Variants in SHLD1 observed in about 807,000 individuals in gnomAD.
SHLD1 encodes the protein shieldin complex subunit 1.
SHLD1 carries 3 observed loss-of-function variants against 5.5 expected under a neutral mutation model. That is an observed-to-expected ratio of 0.54 (90% CI 0.25 to 1.40). SHLD1 has a LOEUF of 1.40. SHLD1 is among the 40% of genes most tolerant of loss of function. The probability of loss-of-function intolerance (pLI) is 0.15; values close to 1 mark genes in which losing one functional copy is unlikely to be tolerated. For synonymous variants in SHLD1, 92 were observed against 94.3 expected (o/e 0.98, Z 0.14); for missense variants, 210 against 244.4 (o/e 0.86, Z 0.94).
chr20:5,810,301 A>C (rs1189119176), intron 2 of SHLD1, among the ~76,000 whole-genome samples: 2 of 151,952 alleles, frequency 1.3e-5, no homozygotes, highest in Admixed American at 1.3e-4. Flanking sequence ...ACCACCTTAG[A>C]CATCGAGTAA....
At chr20:5,857,014 C>A (rs567082246) in intron 2 of SHLD1, among the ~76,000 whole-genome samples, 1 of 152,312 alleles carries the variant, frequency 6.6e-6, no homozygotes, top group South Asian at 2.1e-4. Flanking sequence ...CAGAGTCTCA[C>A]TCTGTCGCCC....
At chr20:5,859,950 A>G (rs903987777) in intron 2 of SHLD1, among the ~76,000 whole-genome samples, 9 of 152,234 alleles carry the variant, frequency 5.9e-5, no homozygotes, top group Non-Finnish European at 1.3e-4. Context: ...ATATCAAAGC[A>G]CATTGACAAT....
At position 5,844,787 on chromosome 20, in the gene SHLD1, A is replaced by ATTTT. The variant is rs1428765852; in HGVS notation, c.179-18236_179-18235insTTTT. Among the ~76,000 whole-genome samples the ATTTT allele has an allele frequency of 6.8e-5, 7 of 102,260 alleles. No individual in the cohort carries two copies. In the South Asian group the frequency reaches 1.2e-3, roughly 17 times the overall value. 67.1% of individuals were successfully genotyped at this position (102,260 alleles called of 152,430 possible). A position where few individuals can be genotyped will look rare whatever the true frequency, so the allele number is the denominator to read the frequency against. ...GTAGTAGACATATATATATATATAT[A>ATTTT]TATATATATATATTTTTTTTTTTTT... On this transcript the variant is annotated intron_variant, in intron 2 of 2. Transcript: ENST00000303142.
chr20:5,766,323 A>G (rs1338399039), intron 1 of SHLD1, among the ~76,000 whole-genome samples: 4 of 152,222 alleles, frequency 2.6e-5, no homozygotes, highest in Admixed American at 2.6e-4. Context: ...TCCTTTCAAG[A>G]CCAACCAGCT....
At chr20:5,810,636 A>G (rs948122432) in intron 2 of SHLD1, among the ~76,000 whole-genome samples, 7 of 151,774 alleles carry the variant, frequency 4.6e-5, no homozygotes, top group South Asian at 4.2e-4. Context: ...GCTCACGCCT[A>G]TAATCCCAGC....
intron 2 of SHLD1, among the ~76,000 whole-genome samples, chr20:5,803,507 C>G (rs2087328071): frequency 6.6e-6 from 1 of 152,058 alleles, no homozygotes; most frequent in Non-Finnish European, 1.5e-5. Flanking sequence ...AGAATGAAAG[C>G]TCTCCCAAAT....
intron 2 of SHLD1, among the ~76,000 whole-genome samples, chr20:5,829,242 A>G (rs2087701078): frequency 6.6e-6 from 1 of 152,206 alleles, no homozygotes; most frequent in African/African-American, 2.4e-5. Flanking sequence ...GTTTAATAAC[A>G]TGAAAAAAGA....
intron 2 of SHLD1, among the ~76,000 whole-genome samples, chr20:5,857,970 G>T (rs1408796912): frequency 6.6e-6 from 1 of 152,140 alleles, no homozygotes; most frequent in East Asian, 1.9e-4. Context: ...ATGGTGGCGG[G>T]TGCCTGTAGT....
At chr20:5,783,413 A>G (rs909527498) in intron 2 of SHLD1, among the ~76,000 whole-genome samples, 34 of 152,016 alleles carry the variant, frequency 2.2e-4, no homozygotes, top group Non-Finnish European at 2.9e-5. Flanking sequence ...TAGTAGAGAC[A>G]AGGTTTCACC....
chr20:5,808,050 G>T (rs1397689152), intron 2 of SHLD1, among the ~76,000 whole-genome samples: 1 of 152,196 alleles, frequency 6.6e-6, no homozygotes, highest in African/African-American at 2.4e-5. Context: ...GGGAGGCCAG[G>T]GTGGGCAGAT....
chr20:5,854,872 C>CTT lies in SHLD1; in HGVS notation c.179-8141_179-8140dup, dbSNP rs55776293. On this transcript the variant is annotated intron_variant, in intron 2 of 2. Coordinates refer to ENST00000303142, the MANE Select transcript of SHLD1 (RefSeq NM_152504.4). Reference sequence around the variant, plus strand: ...CATTCTGTTTTCTGTCTCTATGACTCTTTTTTTTTTTTAAGAGACAGGTCT... The same window carrying CTT: ...CATTCTGTTTTCTGTCTCTATGACTCTTTTTTTTTTTTTTAAGAGACAGGTCT... Among the ~76,000 whole-genome samples, 143 of 130,008 alleles carry CTT rather than the reference C, an allele frequency of 1.1e-3. 2 individuals carry two copies. The Middle Eastern group carries it at 0.014, about 13-fold the overall frequency. The allele number at this position is 130,008 out of a possible 152,430, so 85.3% of individuals were successfully genotyped here.
intron 1 of SHLD1, among the ~76,000 whole-genome samples, chr20:5,757,698 G>A (rs375271001): frequency 9.2e-5 from 14 of 152,198 alleles, no homozygotes; most frequent in African/African-American, 3.4e-4. Flanking sequence ...CGCCTCCCAG[G>A]TTCAAGCAAT....
chr20:5,785,330 T>G (rs1244865550), intron 2 of SHLD1, among the ~76,000 whole-genome samples: 2 of 152,184 alleles, frequency 1.3e-5, no homozygotes, highest in East Asian at 3.9e-4. Context: ...GTAAATCCTA[T>G]TATGATCTCC....
intron 2 of SHLD1, among the ~76,000 whole-genome samples, chr20:5,788,366 A>G (rs1653543944): frequency 6.6e-6 from 1 of 152,246 alleles, no homozygotes; most frequent in African/African-American, 2.4e-5. Context: ...CAGTATAAAT[A>G]AGATGAGGAA....
chr20:5,796,855 AG>A, intron 2 of SHLD1, among the ~76,000 whole-genome samples: 1 of 150,942 alleles, frequency 6.6e-6, no homozygotes, highest in African/African-American at 2.4e-5. Flanking sequence ...AAAGGTGGAG[AG>A]GTGAGTTAAA....
intron 2 of SHLD1, among the ~76,000 whole-genome samples, chr20:5,853,128 C>T (rs2088033282): frequency 6.6e-6 from 1 of 152,178 alleles, no homozygotes; most frequent in African/African-American, 2.4e-5. Context: ...GTGCCAGACA[C>T]TGTGTTAGGC....
chr20:5,823,627 T>A (rs1222216177), intron 2 of SHLD1, among the ~76,000 whole-genome samples: 1 of 151,982 alleles, frequency 6.6e-6, no homozygotes. Flanking sequence ...TTTGTATTTT[T>A]AGTAGAGACA....
In SHLD1 at chr20:5,806,087, A is replaced by G. The variant is rs1050721978; in HGVS notation, c.178+33044A>G. 9.2e-5 allele frequency among the ~76,000 whole-genome samples: 14 copies of G among 151,364 alleles called. No individual in the cohort carries two copies. The highest frequency in any genetic ancestry group is 3.2e-4 in the African/African-American group (13 of 41,118). ...GCTCTGTTGCCCAGGCTAGTTTAGAACTCCTGGGTTCAAGTGATTCTCCTG... is the reference window on the plus strand; with the variant it reads ...GCTCTGTTGCCCAGGCTAGTTTAGAGCTCCTGGGTTCAAGTGATTCTCCTG... On this transcript the variant is annotated intron_variant, in intron 2 of 2. Transcript: ENST00000303142. The surrounding 1 kb of genome is among the most constrained non-coding windows in gnomAD (Gnocchi z 7.6).
At chr20:5,844,783 A>ATT (rs1568528922) in intron 2 of SHLD1, among the ~76,000 whole-genome samples, 3 of 99,970 alleles carry the variant, frequency 3.0e-5, no homozygotes, top group East Asian at 8.7e-4. Flanking sequence ...ATATATATAT[A>ATT]TATATATATA....
Sources: allele counts gnomAD v4.1 joint callset (sites outside exome capture counted in the v4.1 genomes callset), GRCh38; gene constraint gnomAD v4.1.1; non-coding constraint Gnocchi (gnomAD v3.1); transcripts MANE v1.5; gene names NCBI Gene and HGNC (gene_info 2026-07-23, HGNC 2026-07-21).